Variants in ARMC9 observed in about 807,000 individuals in gnomAD.
ARMC9 encodes lisH domain-containing protein ARMC9.
In ARMC9, 94 loss-of-function variants were observed where a neutral mutation model predicts 107.0. The observed-to-expected ratio is 0.88, with a 90% CI of 0.74 to 1.04. The LOEUF (loss-of-function observed/expected upper bound fraction) is 1.04. Ranked by LOEUF, ARMC9 falls within the 50% of genes least tolerant of loss-of-function variation. The pLI, the probability that ARMC9 is intolerant of heterozygous loss-of-function variation, is 0.00. For missense variants in ARMC9, 942 were observed against 1,030.1 expected (o/e 0.91, Z 1.17); for synonymous variants, 380 against 396.9 (o/e 0.96, Z 0.51).
At position 231,319,311 on chromosome 2, in the gene ARMC9, T is replaced by C. The variant is rs572092243; in HGVS notation, c.1774-12482T>C. Among the ~76,000 whole-genome samples, 49 of 152,258 alleles carry C rather than the reference T, an allele frequency of 3.2e-4. No homozygotes were observed. The East Asian group carries it at 7.5e-3, about 23-fold the overall frequency. On this transcript the variant is annotated intron_variant, in intron 19 of 24. Coordinates refer to ENST00000611582, the MANE Select transcript of ARMC9 (RefSeq NM_001352754.2). The stretch of plus-strand genomic sequence containing the variant: ...ATGAACATCCAGGTGGAAGTGGCCA[T>C]TGGGCTCTGCCAAGTGTCCCCCATC...
At position 231,360,705 on chromosome 2, in the gene ARMC9, G is replaced by C. The variant is rs1286321394; in HGVS notation, c.2132-49G>C. 9 of 1,536,082 alleles carry C rather than the reference G, an allele frequency of 5.9e-6. No homozygotes were observed. The South Asian group carries it at 1.1e-4, about 18-fold the overall frequency. On this transcript the variant is annotated intron_variant, in intron 22 of 24. Coordinates refer to ENST00000611582, the MANE Select transcript of ARMC9 (RefSeq NM_001352754.2). This position sits in a 1 kb window ranked among gnomAD's most constrained non-coding sequence, Gnocchi z 4.7. ...CCCAGCCCACGAGAGGGCATCCTTA[G>C]AGGGGCTCCAGAGCAGATGTGGACT... is the stretch of plus-strand genomic sequence containing the variant.
chr2:231,234,459 G>A (rs1183910807), intron 7 of ARMC9, among the ~76,000 whole-genome samples: 1 of 152,174 alleles, frequency 6.6e-6, no homozygotes, highest in Non-Finnish European at 1.5e-5. Context: ...CCTAGCAGGA[G>A]TCAAGCAGCC....
chr2:231,346,028 GA>G (rs777388135), intron 21 of ARMC9, among the ~76,000 whole-genome samples: 4 of 152,166 alleles, frequency 2.6e-5, no homozygotes, highest in Non-Finnish European at 5.9e-5. Context: ...GCCCATCTGG[GA>G]TTTGTCCTAT....
chr2:231,265,447 A>G (rs1184023956), intron 12 of ARMC9, among the ~76,000 whole-genome samples: 1 of 152,194 alleles, frequency 6.6e-6, no homozygotes, highest in African/African-American at 2.4e-5. Context: ...CTTTTGCTGC[A>G]ATTTGGATGG....
intron 16 of ARMC9, among the ~76,000 whole-genome samples, chr2:231,281,118 CA>C (rs2040185376): frequency 6.7e-6 from 1 of 149,364 alleles, no homozygotes; most frequent in Non-Finnish European, 1.5e-5. Flanking sequence ...GTCCTGTCTT[CA>C]AAAAGCTCAT....
chr2:231,223,778 C>CGGACTGA (rs1165015272), intron 6 of ARMC9, among the ~76,000 whole-genome samples: 1 of 152,182 alleles, frequency 6.6e-6, no homozygotes, highest in Non-Finnish European at 1.5e-5. Context: ...CTGAGCCGAA[C>CGGACTGA]GGACTGATCT....
intron 17 of ARMC9, among the ~76,000 whole-genome samples, chr2:231,287,397 T>G (rs1366196649): frequency 6.6e-6 from 1 of 152,236 alleles, no homozygotes. Flanking sequence ...ATGTGAGTAT[T>G]CTGTCTGTTG....
rs1253596012 is a variant in ARMC9, at chr2:231,362,045, C to A, written c.2261+1162C>A. Among the ~76,000 whole-genome samples, 1 of 149,992 alleles carries A rather than the reference C, an allele frequency of 6.7e-6. No homozygotes were observed. The highest frequency in any genetic ancestry group is 2.5e-5 in the African/African-American group (1 of 39,360). ...GGCTAGGGAAGGGTGGGGGCAGTCC[C>A]AGCTATCTTTAAGAAGCACGGGGTC... On this transcript the variant is annotated intron_variant, in intron 23 of 24. Coordinates refer to ENST00000611582, the MANE Select transcript of ARMC9 (RefSeq NM_001352754.2). This position sits in a 1 kb window ranked among gnomAD's most constrained non-coding sequence, Gnocchi z 4.7.
chr2:231,200,949 G>C (rs527352650), intron 1 of ARMC9, among the ~76,000 whole-genome samples: 3 of 152,230 alleles, frequency 2.0e-5, no homozygotes, highest in African/African-American at 2.4e-5. Flanking sequence ...AGTCATGTTT[G>C]CCTGGGGGGG....
At chr2:231,339,115 G>A (rs1002784610) in intron 20 of ARMC9, among the ~76,000 whole-genome samples, 14 of 152,034 alleles carry the variant, frequency 9.2e-5, no homozygotes, top group Admixed American at 5.2e-4. Context: ...AGATCACGAG[G>A]TCAGGAGTTC....
rs146100377 is a variant in ARMC9, at chr2:231,302,606, G to A, written c.1773+6353G>A. On this transcript the variant is annotated intron_variant, in intron 19 of 24. Transcript: ENST00000611582. ...TGGAAAGGGGTGAAGTATTTTCAAA[G>A]CCTTTTCAGATAGATATTTTTGCTC... Among the ~76,000 whole-genome samples, 702 of 152,138 alleles carry A rather than the reference G, an allele frequency of 4.6e-3. 10 individuals are homozygous for A. Among genetic ancestry groups the A allele is most frequent in the African/African-American group, 0.016 (669 of 41,532 alleles).
chr2:231,315,614 C>T (rs2125523038), intron 19 of ARMC9, among the ~76,000 whole-genome samples: 1 of 152,318 alleles, frequency 6.6e-6, no homozygotes, highest in Middle Eastern at 3.4e-3. Flanking sequence ...TCACTTGATT[C>T]ATATGTCTAG....
At chr2:231,337,896 A>G (rs901055829) in intron 20 of ARMC9, among the ~76,000 whole-genome samples, 2 of 152,242 alleles carry the variant, frequency 1.3e-5, no homozygotes, top group Admixed American at 6.5e-5. Context: ...CGTAAAGACC[A>G]ACCCTAAGTC....
rs1016074622 is a variant in ARMC9 at position 231,372,564 on chromosome 2, C to G, written c.*1029C>G. On this transcript the variant is annotated 3_prime_UTR_variant, in exon 25 of 25. Transcript: ENST00000611582. ...CCATCCCGCGGGGGAGGCCTGCGCACGCCCCTCACCAGGGCTGTCATCAGA... is the reference window on the plus strand; with the variant it reads ...CCATCCCGCGGGGGAGGCCTGCGCAGGCCCCTCACCAGGGCTGTCATCAGA... The G allele has an allele frequency of 6.6e-6, 1 of 152,290 alleles. No homozygotes were observed. Among genetic ancestry groups the G allele is most frequent in the African/African-American group, 2.4e-5 (1 of 41,432 alleles). 9.4% of individuals were successfully genotyped at this position (152,290 alleles called of 1,614,324 possible).
Position 231,371,668 on chromosome 2 carries a change from C to A in ARMC9, c.*133C>A. 1.1e-6 allele frequency: 1 copy of A among 948,078 alleles called. No individual in the cohort carries two copies. The highest frequency in any genetic ancestry group is 1.4e-6 in the Non-Finnish European group (1 of 729,164). The allele number at this position is 948,078 out of a possible 1,614,324, so 58.7% of individuals were successfully genotyped here. A position where few individuals can be genotyped will look rare whatever the true frequency, so the allele number is the denominator to read the frequency against. ...ACTCTGGGAGCTGAGGGGAGGCCGG[C>A]TCTCCAGGCAGCACCAGAGCAAGGC... is the stretch of plus-strand genomic sequence containing the variant. On this transcript the variant is annotated 3_prime_UTR_variant, in exon 25 of 25. Transcript: ENST00000611582.
At chr2:231,219,873 A>C (rs994719087) in intron 5 of ARMC9, among the ~76,000 whole-genome samples, 4 of 152,096 alleles carry the variant, frequency 2.6e-5, no homozygotes, top group East Asian at 3.9e-4. Flanking sequence ...GTCTCACTCT[A>C]TCCCCCAGGC....
At chr2:231,282,230 C>A in intron 17 of ARMC9, 97 bp downstream of exon 17, 1 of 1,257,026 alleles carries the variant, frequency 8.0e-7, no homozygotes, top group Non-Finnish European at 1.2e-6. Context: ...CATAGAAAGG[C>A]TCAGATCCGT....
At chr2:231,322,827 G>A (rs748079163) in intron 19 of ARMC9, among the ~76,000 whole-genome samples, 2 of 152,110 alleles carry the variant, frequency 1.3e-5, no homozygotes, top group Non-Finnish European at 2.9e-5. Flanking sequence ...TCCAACAATG[G>A]TATTTAAGAC....
At chr2:231,251,596 G>A (rs2037304356) in intron 9 of ARMC9, among the ~76,000 whole-genome samples, 1 of 152,234 alleles carries the variant, frequency 6.6e-6, no homozygotes, top group African/African-American at 2.4e-5. Context: ...TGGATTGTGA[G>A]TGCTCTGAGA....
Sources: allele counts gnomAD v4.1 joint callset (sites outside exome capture counted in the v4.1 genomes callset), GRCh38; gene constraint gnomAD v4.1.1; non-coding constraint Gnocchi (gnomAD v3.1); transcripts MANE v1.5; gene names NCBI Gene and HGNC (gene_info 2026-07-23, HGNC 2026-07-21).